ULK4: variants seen among roughly 807,000 people sequenced by gnomAD.
ULK4 encodes inactive serine/threonine-protein kinase ULK4.
In ULK4, 133 loss-of-function variants were observed where a neutral mutation model predicts 160.6. That is an observed-to-expected ratio of 0.83 (90% CI 0.72 to 0.96). ULK4 has a LOEUF of 0.96. Ranked by LOEUF, ULK4 falls within the 40% of genes least tolerant of loss-of-function variation. ULK4 has a pLI of 0.00. For missense variants in ULK4, 1,580 were observed against 1,499.5 expected (o/e 1.05, Z -0.89); for synonymous variants, 534 against 539.8 (o/e 0.99, Z 0.15).
intron 35 of ULK4, among the ~76,000 whole-genome samples, chr3:41,380,808 C>A (rs1160829516): frequency 5.3e-5 from 8 of 152,160 alleles, no homozygotes; most frequent in Non-Finnish European, 1.2e-4. Context: ...ATTCACTGTG[C>A]CCTTTGGACA....
chr3:41,487,208 G>C (rs2084570735), intron 32 of ULK4, among the ~76,000 whole-genome samples: 1 of 151,914 alleles, frequency 6.6e-6, no homozygotes, highest in Non-Finnish European at 1.5e-5. Context: ...AGATATAAAA[G>C]GAAAACTGAA....
intron 35 of ULK4, chr3:41,277,900 T>G (rs2079258038): frequency 6.6e-6 from 1 of 152,270 alleles, no homozygotes; most frequent in South Asian, 2.1e-4. Context: ...AGACAGGTGA[T>G]TTCTGCATTT....
At chr3:41,935,622 A>T (rs1699751694) in intron 4 of ULK4, among the ~76,000 whole-genome samples, 179 bp downstream of exon 4, 1 of 152,066 alleles carries the variant, frequency 6.6e-6, no homozygotes, top group African/African-American at 2.4e-5. Flanking sequence ...CAGCCTCCCA[A>T]AGTGCTAGGA....
At chr3:41,857,906 C>A (rs2042398800) in intron 17 of ULK4, among the ~76,000 whole-genome samples, 1 of 152,020 alleles carries the variant, frequency 6.6e-6, no homozygotes, top group Non-Finnish European at 1.5e-5. Flanking sequence ...GGAAAAACTA[C>A]TTTTTGTTTC....
chr3:41,535,223 T>C (rs931977033), intron 32 of ULK4, among the ~76,000 whole-genome samples: 1 of 152,264 alleles, frequency 6.6e-6, no homozygotes, highest in African/African-American at 2.4e-5. Flanking sequence ...TGATTCAACA[T>C]GTATGTTCTA....
chr3:41,274,954 C>T (rs909955161), intron 35 of ULK4, among the ~76,000 whole-genome samples: 1 of 152,202 alleles, frequency 6.6e-6, no homozygotes, highest in Admixed American at 6.5e-5. Context: ...GCACTTTCTA[C>T]TAATGATTCT....
At chr3:41,721,358 ATATATT>A (rs1179996370) in intron 22 of ULK4, among the ~76,000 whole-genome samples, 408 of 61,148 alleles carry the variant, frequency 6.7e-3, no homozygotes, top group Middle Eastern at 0.012. Context: ...ATATATATAT[ATATATT>A]TTTTTTTTTT....
intron 34 of ULK4, among the ~76,000 whole-genome samples, chr3:41,427,453 C>T (rs775263839): frequency 6.6e-6 from 1 of 152,138 alleles, no homozygotes; most frequent in Non-Finnish European, 1.5e-5. Flanking sequence ...CAAAACCTGG[C>T]AGAGATACAA....
intron 32 of ULK4, among the ~76,000 whole-genome samples, chr3:41,547,099 A>G (rs1431968864): frequency 6.6e-6 from 1 of 152,210 alleles, no homozygotes; most frequent in Non-Finnish European, 1.5e-5. Context: ...GAGAAAGCCA[A>G]TATGCATACC....
chr3:41,918,314 C>A, intron 7 of ULK4, 143 bp downstream of exon 7: 1 of 505,766 alleles, frequency 2.0e-6, no homozygotes, highest in South Asian at 4.2e-5. Context: ...GAAATACTAA[C>A]ATTTCTAAAA....
chr3:41,943,929 G>A (rs1397596448), intron 2 of ULK4, among the ~76,000 whole-genome samples: 2 of 152,178 alleles, frequency 1.3e-5, no homozygotes, highest in Admixed American at 1.3e-4. Context: ...TGGAAAAGCT[G>A]CTAGCTGCTT....
At chr3:41,368,340 A>C (rs76059066) in intron 35 of ULK4, among the ~76,000 whole-genome samples, 7,040 of 152,182 alleles carry the variant, frequency 0.046, 387 homozygotes, top group East Asian at 0.21. Context: ...TGAGCCACCA[A>C]GCCCGGCCTG....
At chr3:41,527,240 C>A (rs1370084000) in intron 32 of ULK4, among the ~76,000 whole-genome samples, 1 of 152,214 alleles carries the variant, frequency 6.6e-6, no homozygotes, top group Non-Finnish European at 1.5e-5. Flanking sequence ...CAAGAGGGTT[C>A]AGCAGCTTGA....
intron 12 of ULK4, among the ~76,000 whole-genome samples, chr3:41,907,514 G>T (rs557009631): frequency 2.9e-4 from 44 of 151,998 alleles, no homozygotes; most frequent in African/African-American, 1.0e-3. Flanking sequence ...GGCCAGGCTG[G>T]TCTCCAACTC....
At chr3:41,714,374 T>A (rs933850297) in intron 25 of ULK4, among the ~76,000 whole-genome samples, 6 of 152,154 alleles carry the variant, frequency 3.9e-5, no homozygotes, top group African/African-American at 7.2e-5. Flanking sequence ...AATCTTTTTT[T>A]AAAAAAATTC....
At chr3:41,345,039 C>T (rs9816636) in intron 35 of ULK4, among the ~76,000 whole-genome samples, 83,136 of 152,026 alleles carry the variant, frequency 0.55, 24,875 homozygotes, top group African/African-American at 0.81. Context: ...CCCAACATCA[C>T]TGATCATTAG....
At chr3:41,628,671 AG>A (rs1361967164) in intron 30 of ULK4, among the ~76,000 whole-genome samples, 1 of 152,192 alleles carries the variant, frequency 6.6e-6, no homozygotes, top group East Asian at 1.9e-4. Context: ...AACCAGAAAA[AG>A]TATATCATTT....
intron 30 of ULK4, among the ~76,000 whole-genome samples, chr3:41,651,030 G>T (rs778321425): frequency 2.0e-5 from 3 of 152,092 alleles, no homozygotes; most frequent in Non-Finnish European, 4.4e-5. Flanking sequence ...TAGAGTTATT[G>T]ATGTTCCCTG....
intron 12 of ULK4, among the ~76,000 whole-genome samples, chr3:41,905,380 C>T (rs2148796469): frequency 6.6e-6 from 1 of 152,230 alleles, no homozygotes; most frequent in East Asian, 1.9e-4. Context: ...AACTATAAAA[C>T]TCTTAGAAGA....
Sources: allele counts gnomAD v4.1 joint callset (sites outside exome capture counted in the v4.1 genomes callset), GRCh38; gene constraint gnomAD v4.1.1; transcripts MANE v1.5; gene names NCBI Gene and HGNC (gene_info 2026-07-23, HGNC 2026-07-21).